Variants in DGKI observed in about 807,000 individuals in gnomAD.
DGKI encodes the protein DAG kinase iota.
A neutral mutation model predicts 147.5 loss-of-function variants in DGKI; 55 were observed. The ratio of observed to expected loss-of-function variants is 0.37; its 90% CI spans 0.30 to 0.47. DGKI has a LOEUF of 0.47. DGKI is among the 20% of genes least tolerant of loss of function. The pLI, the probability that DGKI is intolerant of heterozygous loss-of-function variation, is 1.00. For missense variants in DGKI, 1,007 were observed against 1,323.8 expected (o/e 0.76, Z 3.71); for synonymous variants, 469 against 477.1 (o/e 0.98, Z 0.22).
chr7:137,444,643 G>A (rs530504300), intron 27 of DGKI, among the ~76,000 whole-genome samples: 4 of 152,318 alleles, frequency 2.6e-5, no homozygotes, highest in African/African-American at 9.6e-5. Flanking sequence ...CAGAACCCGG[G>A]AGAAACAGCA....
chr7:137,778,610 C>T (rs1357698966), intron 1 of DGKI, among the ~76,000 whole-genome samples: 2 of 151,506 alleles, frequency 1.3e-5, no homozygotes, highest in African/African-American at 4.9e-5. Context: ...AAAAAAAAAA[C>T]TACTCAAAGG....
Position 137,846,746 on chromosome 7 carries a change from G to A in DGKI, c.117C>T (p.Gly39=). 1 of 1,012,936 alleles carries A rather than the reference G, an allele frequency of 9.9e-7. No individual in the cohort carries two copies. Among genetic ancestry groups the A allele is most frequent in the Non-Finnish European group, 1.2e-6 (1 of 850,468 alleles). 62.7% of individuals were successfully genotyped at this position (1,012,936 alleles called of 1,614,324 possible). A position where few individuals can be genotyped will look rare whatever the true frequency, so the allele number is the denominator to read the frequency against. ...CGGCCGCGGAGGGAGCGCAGGCGGC[G>A]CCGCTGCAGGGGCCGGGCGGGCTGG... ...AAASPPGPCS[G]AACAPSAAAG... The change falls in exon 1 of 33, where the codon GGC becomes GGT. Residue 39 remains glycine (G), a synonymous_variant. Coordinates refer to ENST00000614521, the MANE Select transcript of DGKI (RefSeq NM_001321708.2). This position sits in a 1 kb window ranked among gnomAD's most constrained non-coding sequence, Gnocchi z 4.0.
chr7:137,457,026 T>C (rs1814231712), intron 27 of DGKI, among the ~76,000 whole-genome samples: 1 of 152,162 alleles, frequency 6.6e-6, no homozygotes, highest in African/African-American at 2.4e-5. Context: ...GCTTGCCAAA[T>C]AGAGTAATTC....
intron 19 of DGKI, among the ~76,000 whole-genome samples, chr7:137,558,476 C>A (rs1027809701): frequency 1.3e-5 from 2 of 152,178 alleles, no homozygotes; most frequent in Non-Finnish European, 2.9e-5. Context: ...CAGGGTTTCG[C>A]CATGTTGGCC....
chr7:137,833,716 C>A (rs891717404), intron 1 of DGKI, among the ~76,000 whole-genome samples: 1 of 152,152 alleles, frequency 6.6e-6, no homozygotes, highest in South Asian at 2.1e-4. Context: ...AGAGTCTGGT[C>A]GTCCAAGCTC....
chr7:137,675,232 G>A (rs776722801), intron 3 of DGKI, among the ~76,000 whole-genome samples: 9 of 145,760 alleles, frequency 6.2e-5, no homozygotes, highest in East Asian at 4.0e-4. Context: ...GGCCACCCAC[G>A]TTATCCACAA....
intron 1 of DGKI, among the ~76,000 whole-genome samples, chr7:137,732,978 C>A (rs372932419): frequency 1.3e-5 from 2 of 151,998 alleles, no homozygotes; most frequent in East Asian, 3.9e-4. Context: ...TCCCACTGAA[C>A]CAGCTCTCAC....
chr7:137,594,765 C>G (rs1819729918), intron 12 of DGKI, among the ~76,000 whole-genome samples: 1 of 152,144 alleles, frequency 6.6e-6, no homozygotes, highest in African/African-American at 2.4e-5. Flanking sequence ...ATTTTCTAAA[C>G]TAACAAAACA....
intron 1 of DGKI, among the ~76,000 whole-genome samples, chr7:137,752,888 T>C (rs1293948634): frequency 6.6e-6 from 1 of 152,142 alleles, no homozygotes; most frequent in African/African-American, 2.4e-5. Flanking sequence ...ACACCTCCAC[T>C]CACCAGCCAT....
At chr7:137,800,505 G>A (rs537590225) in intron 1 of DGKI, among the ~76,000 whole-genome samples, 4 of 152,154 alleles carry the variant, frequency 2.6e-5, no homozygotes, top group African/African-American at 9.6e-5. Context: ...TTCGATTTCC[G>A]CCATGATTGG....
chr7:137,615,954 G>T (rs1820517072), intron 8 of DGKI, among the ~76,000 whole-genome samples: 1 of 152,134 alleles, frequency 6.6e-6, no homozygotes, highest in African/African-American at 2.4e-5. Context: ...AACCACTGCT[G>T]CATTGTCCCC....
At chr7:137,827,351 C>G (rs775154333) in intron 1 of DGKI, among the ~76,000 whole-genome samples, 7 of 152,164 alleles carry the variant, frequency 4.6e-5, no homozygotes, top group African/African-American at 7.2e-5. Context: ...GAGCATTTAA[C>G]TAACCTTCCC....
At chr7:137,643,594 A>C (rs183223183) in intron 6 of DGKI, among the ~76,000 whole-genome samples, 1 of 152,278 alleles carries the variant, frequency 6.6e-6, no homozygotes, top group African/African-American at 2.4e-5. Context: ...TTGAAACATG[A>C]TGTGACAAGC....
intron 10 of DGKI, among the ~76,000 whole-genome samples, chr7:137,604,685 G>A (rs1820110293): frequency 6.7e-6 from 1 of 149,820 alleles, no homozygotes; most frequent in Non-Finnish European, 1.5e-5. Context: ...TCTCAGGGAT[G>A]ATCAGATAGA....
chr7:137,585,582 G>A (rs1015995876), intron 13 of DGKI, among the ~76,000 whole-genome samples: 1 of 151,852 alleles, frequency 6.6e-6, no homozygotes, highest in Non-Finnish European at 1.5e-5. Context: ...TCAGCAGCAA[G>A]AACCAATAGT....
intron 21 of DGKI, among the ~76,000 whole-genome samples, chr7:137,495,752 T>C (rs7341469): frequency 0.12 from 17,612 of 152,042 alleles, 1,188 homozygotes; most frequent in African/African-American, 0.19. Flanking sequence ...TTGACAAAAT[T>C]CAACATCCCT....
intron 15 of DGKI, among the ~76,000 whole-genome samples, chr7:137,579,827 T>A (rs1233713538): frequency 2.0e-5 from 3 of 152,176 alleles, no homozygotes; most frequent in Non-Finnish European, 4.4e-5. Flanking sequence ...TTTAACTAAT[T>A]GTTTTATAAT....
At chr7:137,778,508 C>G (rs534009903) in intron 1 of DGKI, among the ~76,000 whole-genome samples, 1 of 151,950 alleles carries the variant, frequency 6.6e-6, no homozygotes, top group Admixed American at 6.5e-5. Context: ...AAAGAGGAGG[C>G]AAGAAGGAGG....
At chr7:137,742,087 C>T (rs891345665) in intron 1 of DGKI, among the ~76,000 whole-genome samples, 10 of 152,160 alleles carry the variant, frequency 6.6e-5, no homozygotes, top group African/African-American at 1.7e-4. Context: ...ATAACGATCT[C>T]CCATAAACAG....
Sources: allele counts gnomAD v4.1 joint callset (sites outside exome capture counted in the v4.1 genomes callset), GRCh38; gene constraint gnomAD v4.1.1; non-coding constraint Gnocchi (gnomAD v3.1); transcripts MANE v1.5; gene names NCBI Gene and HGNC (gene_info 2026-07-23, HGNC 2026-07-21).